XPO1: variants seen among roughly 807,000 people sequenced by gnomAD.
XPO1 encodes exportin-1.
Under a neutral mutation model 133.3 loss-of-function variants are expected in XPO1, and 5 were observed. That is an observed-to-expected ratio of 0.04 (90% CI 0.02 to 0.08). XPO1 has a LOEUF of 0.08. Ranked by LOEUF, XPO1 falls within the 10% of genes least tolerant of loss-of-function variation. The pLI is 1.00. For synonymous variants in XPO1, 419 were observed against 408.2 expected (o/e 1.03, Z -0.32); for missense variants, 506 against 1,267.5 (o/e 0.40, Z 9.12).
chr2:61,526,784 T>G (rs1698922629), intron 2 of XPO1, among the ~76,000 whole-genome samples: 1 of 151,574 alleles, frequency 6.6e-6, no homozygotes, highest in African/African-American at 2.4e-5. Flanking sequence ...CTCAGCACCC[T>G]GCAACCTCTG....
intron 4 of XPO1, among the ~76,000 whole-genome samples, chr2:61,513,539 C>T (rs191966268): frequency 1.3e-5 from 2 of 151,534 alleles, no homozygotes; most frequent in Admixed American, 6.6e-5. Context: ...TGACCAGGCT[C>T]GTCTCGAACT....
intron 24 of XPO1, 96 bp downstream of exon 24, chr2:61,481,089 T>C (rs1696326924): frequency 1.4e-6 from 1 of 711,592 alleles, no homozygotes; most frequent in Admixed American, 3.5e-5. Flanking sequence ...CCCCATTTAT[T>C]TGGCATGACA....
intron 3 of XPO1, among the ~76,000 whole-genome samples, chr2:61,524,533 A>T (rs1296734325): frequency 6.6e-6 from 1 of 152,226 alleles, no homozygotes; most frequent in East Asian, 1.9e-4. Flanking sequence ...GGTCAAAGGA[A>T]TACATCTGTT....
intron 2 of XPO1, among the ~76,000 whole-genome samples, chr2:61,527,099 T>G (rs1317131062): frequency 1.3e-5 from 2 of 152,172 alleles, no homozygotes; most frequent in Admixed American, 1.3e-4. Flanking sequence ...GTCTCAAAAC[T>G]GAACTGCATT....
chr2:61,507,119 G>T (rs531596484), intron 4 of XPO1, among the ~76,000 whole-genome samples: 5 of 151,582 alleles, frequency 3.3e-5, no homozygotes, highest in African/African-American at 1.2e-4. Context: ...GGTGGCATGC[G>T]CCTGTAGTCC....
chr2:61,510,782 G>T (rs1223733621), intron 4 of XPO1, among the ~76,000 whole-genome samples: 1 of 151,918 alleles, frequency 6.6e-6, no homozygotes, highest in South Asian at 2.1e-4. Flanking sequence ...ACAAAAAATA[G>T]AAACAGTGAG....
At chr2:61,535,478 A>G (rs750029808) in intron 1 of XPO1, among the ~76,000 whole-genome samples, 2 of 152,216 alleles carry the variant, frequency 1.3e-5, no homozygotes, top group Non-Finnish European at 2.9e-5. Flanking sequence ...TTATATTTAG[A>G]CAAACTAGCT....
intron 4 of XPO1, among the ~76,000 whole-genome samples, chr2:61,510,293 A>C (rs573447354): frequency 3.3e-5 from 5 of 152,298 alleles, no homozygotes; most frequent in African/African-American, 1.2e-4. Context: ...CAAAACAAAA[A>C]AACACACAAA....
At chr2:61,491,885 G>A (rs1697017855) in intron 16 of XPO1, 150 bp downstream of exon 16, 2 of 994,492 alleles carry the variant, frequency 2.0e-6, no homozygotes, top group African/African-American at 1.6e-5. Flanking sequence ...GGGCAACAGA[G>A]TAAGACCCTG....
chr2:61,496,214 T>C (rs2104466246), intron 10 of XPO1, among the ~76,000 whole-genome samples: 1 of 152,018 alleles, frequency 6.6e-6, no homozygotes, highest in Admixed American at 6.5e-5. Context: ...AATCTATCTT[T>C]CCTTGTTTTT....
chr2:61,479,990 G>A (rs565291404), intron 24 of XPO1, among the ~76,000 whole-genome samples: 20 of 151,898 alleles, frequency 1.3e-4, no homozygotes, highest in East Asian at 3.9e-4. Flanking sequence ...TCTGCCTCCC[G>A]AGTAGCTGGG....
intron 4 of XPO1, among the ~76,000 whole-genome samples, chr2:61,522,013 C>T (rs1698717843): frequency 6.6e-6 from 1 of 152,130 alleles, no homozygotes; most frequent in South Asian, 2.1e-4. Flanking sequence ...CCACTTCAGC[C>T]TCACGAAGTC....
intron 17 of XPO1, among the ~76,000 whole-genome samples, chr2:61,489,558 TA>T (rs1351164693): frequency 1.3e-5 from 2 of 151,228 alleles, no homozygotes; most frequent in Admixed American, 6.6e-5. Context: ...AATATAGTTC[TA>T]TTTTTTTTTT....
At position 61,484,264 on chromosome 2, in the gene XPO1, T is replaced by TC. The variant is rs1289106750; in HGVS notation, c.2509-160dup. On this transcript the variant is annotated intron_variant, in intron 20 of 24. Transcript: ENST00000401558. ...AAAGGTAAACCCAAGTAAAATACAATCCACCTCTCACGGAAAATGAAACTG... is the reference window on the plus strand; with the variant it reads ...AAAGGTAAACCCAAGTAAAATACAATCCCACCTCTCACGGAAAATGAAACTG... The TC allele has an allele frequency of 5.1e-6, 3 of 589,514 alleles. No individual in the cohort carries two copies. The African/African-American group carries it at 5.6e-5, about 11-fold the overall frequency. 36.5% of individuals were successfully genotyped at this position (589,514 alleles called of 1,614,324 possible).
chr2:61,492,511 T>C lies in XPO1; in HGVS notation c.1567-30A>G, dbSNP rs374293224. 244 of 1,590,338 alleles carry C rather than the reference T, an allele frequency of 1.5e-4. No individual in the cohort carries two copies. The highest frequency in any genetic ancestry group is 1.4e-3 in the African/African-American group (100 of 73,822). Reference sequence around the variant, plus strand: ...AAATAAGACAAATTTGTATTATTTATTGTAACAACATAATACTTATTTAGC... The same window carrying C: ...AAATAAGACAAATTTGTATTATTTACTGTAACAACATAATACTTATTTAGC... On this transcript the variant is annotated intron_variant, in intron 14 of 24. Coordinates refer to ENST00000401558, the MANE Select transcript of XPO1 (RefSeq NM_003400.4). This position sits in a 1 kb window ranked among gnomAD's most constrained non-coding sequence, Gnocchi z 5.6.
chr2:61,500,578 C>CA lies in XPO1; in HGVS notation c.409-685dup, dbSNP rs56213841. Among the ~76,000 whole-genome samples, 185 of 40,304 alleles carry CA rather than the reference C, an allele frequency of 4.6e-3. 7 individuals are homozygous for CA. Among genetic ancestry groups the CA allele is most frequent in the Middle Eastern group, 0.021 (1 of 48 alleles). The allele number at this position is 40,304 out of a possible 152,430, so 26.4% of individuals were successfully genotyped here. A position where few individuals can be genotyped will look rare whatever the true frequency, so the allele number is the denominator to read the frequency against. On this transcript the variant is annotated intron_variant, in intron 6 of 24. Coordinates refer to ENST00000401558, the MANE Select transcript of XPO1 (RefSeq NM_003400.4). ...TGGGCAACAGGATGAGACTCCATCT[C>CA]AAAAAAAAAAAAAAAAAAAAGAGCA...
Position 61,492,255 on chromosome 2 carries a change from C to CTA in XPO1, c.1724-58_1724-57insTA. The CTA allele has an allele frequency of 6.3e-7, 1 of 1,590,748 alleles. No homozygotes were observed. Among genetic ancestry groups the CTA allele is most frequent in the Non-Finnish European group, 8.5e-7 (1 of 1,172,818 alleles). ...CCTGGACTCCATCATGGGTCTCTAA[C>CTA]AAGACAAAAACATTCATTTATTTTC... On this transcript the variant is annotated intron_variant, in intron 15 of 24. Transcript: ENST00000401558. This position sits in a 1 kb window ranked among gnomAD's most constrained non-coding sequence, Gnocchi z 5.6.
chr2:61,482,368 A>T lies in XPO1; in HGVS notation c.2972+12T>A. 6.3e-7 allele frequency: 1 copy of T among 1,587,200 alleles called. No individual in the cohort carries two copies. Among genetic ancestry groups the T allele is most frequent in the Non-Finnish European group, 8.6e-7 (1 of 1,167,376 alleles). ...CCAGGAACATTCTACGTTTATTAAAAGGTATATTTACTCTTGTAGGTGAGG... is the reference window on the plus strand; with the variant it reads ...CCAGGAACATTCTACGTTTATTAAATGGTATATTTACTCTTGTAGGTGAGG... On this transcript the variant is annotated intron_variant, in intron 23 of 24. Coordinates refer to ENST00000401558, the MANE Select transcript of XPO1 (RefSeq NM_003400.4).
intron 6 of XPO1, among the ~76,000 whole-genome samples, chr2:61,501,239 C>A (rs377241747): frequency 2.0e-5 from 3 of 152,124 alleles, no homozygotes; most frequent in African/African-American, 7.2e-5. Flanking sequence ...TTTTCCCCCA[C>A]ACATACCAGG....
Sources: allele counts gnomAD v4.1 joint callset (sites outside exome capture counted in the v4.1 genomes callset), GRCh38; gene constraint gnomAD v4.1.1; non-coding constraint Gnocchi (gnomAD v3.1); transcripts MANE v1.5; gene names NCBI Gene and HGNC (gene_info 2026-07-23, HGNC 2026-07-21).